Variants in DNMT3B observed in about 807,000 individuals in gnomAD.
DNMT3B encodes the protein DNA (cytosine-5)-methyltransferase 3B.
DNMT3B carries 37 observed loss-of-function variants against 120.2 expected under a neutral mutation model. That is an observed-to-expected ratio of 0.31 (90% CI 0.24 to 0.40). DNMT3B has a LOEUF of 0.40. DNMT3B is among the 10% of genes least tolerant of loss of function. The pLI is 1.00. For missense variants in DNMT3B, 878 were observed against 1,137.3 expected (o/e 0.77, Z 3.28); for synonymous variants, 412 against 442.8 (o/e 0.93, Z 0.87).
chr20:32,801,428 T>G lies in DNMT3B; in HGVS notation c.2145+2T>G, dbSNP rs763822521. ...AGGGACATCTCACGGTTCCTGGAGG[T>G]GAGGGAATCTGGGGACCTGATTGTC... On this transcript the variant is annotated splice_donor_variant, in intron 19 of 22. Transcript: ENST00000328111. LOFTEE classifies it high-confidence loss of function. 1 of 1,613,596 alleles carries G rather than the reference T, an allele frequency of 6.2e-7. No homozygotes were observed. The highest frequency in any genetic ancestry group is 8.5e-7 in the Non-Finnish European group (1 of 1,179,954).
At chr20:32,789,872 G>A (rs866442357) in intron 7 of DNMT3B, among the ~76,000 whole-genome samples, 66 of 152,198 alleles carry the variant, frequency 4.3e-4, no homozygotes, top group Non-Finnish European at 7.5e-4. Context: ...GATTACAGGC[G>A]GGAGCCACCA....
chr20:32,784,914 A>G, intron 4 of DNMT3B, 55 bp downstream of exon 4: 9 of 1,512,058 alleles, frequency 6.0e-6, no homozygotes, highest in Non-Finnish European at 7.4e-6. Flanking sequence ...TACATAGCAT[A>G]CATAGCATGC....
At chr20:32,764,377 G>C (rs1987171402) in intron 1 of DNMT3B, among the ~76,000 whole-genome samples, 1 of 152,212 alleles carries the variant, frequency 6.6e-6, no homozygotes. Context: ...GATAGTGCCT[G>C]TGTAGGGTCA....
chr20:32,791,998 A>G (rs942793894), intron 8 of DNMT3B, among the ~76,000 whole-genome samples: 2 of 152,210 alleles, frequency 1.3e-5, no homozygotes, highest in African/African-American at 2.4e-5. Context: ...CAGAGACCTC[A>G]GAGCCTTCTT....
intron 1 of DNMT3B, among the ~76,000 whole-genome samples, chr20:32,774,176 CTGGGCTTACTTA>C (rs934132869): frequency 4.0e-5 from 6 of 151,742 alleles, no homozygotes; most frequent in Admixed American, 3.3e-4. Context: ...GTGTCCCTCC[CTGGGCTTACTTA>C]CTGCATTGTT....
chr20:32,771,113 C>T (rs565892968), intron 1 of DNMT3B, among the ~76,000 whole-genome samples: 1 of 152,212 alleles, frequency 6.6e-6, no homozygotes, highest in East Asian at 1.9e-4. Context: ...CTTTTCAATA[C>T]ATAGTGTGCA....
chr20:32,796,959 G>T (rs1015987105), intron 13 of DNMT3B, 90 bp downstream of exon 13: 2 of 1,613,842 alleles, frequency 1.2e-6, no homozygotes, highest in East Asian at 4.5e-5. Flanking sequence ...TGGAGACTCA[G>T]TGAAGCCCAC....
rs6119956 is a variant in DNMT3B at position 32,781,852 on chromosome 20, C to A, written c.204+438C>A. Among the ~76,000 whole-genome samples the A allele has an allele frequency of 7.8e-3, 1,193 of 152,282 alleles. 13 individuals are homozygous for A. The highest frequency in any genetic ancestry group is 0.027 in the African/African-American group (1,141 of 41,540). ...GCTTAGGTGCTACCTGCCTGTTAGTCACTTGTAGCCGTCTCCGTGATCAGA... is the reference window on the plus strand; with the variant it reads ...GCTTAGGTGCTACCTGCCTGTTAGTAACTTGTAGCCGTCTCCGTGATCAGA... On this transcript the variant is annotated intron_variant, in intron 3 of 22. Transcript: ENST00000328111.
chr20:32,775,270 GGGGTTGGGGCAGATACCAAAGTGAC>G (rs1402582931), intron 1 of DNMT3B, among the ~76,000 whole-genome samples: 1 of 152,232 alleles, frequency 6.6e-6, no homozygotes, highest in African/African-American at 2.4e-5. Flanking sequence ...CTGCACCCCA[GGGGTTGGGGCAGATACCAAAGTGAC>G]CCCCCTTCCT....
intron 13 of DNMT3B, 35 bp from the exon 14 acceptor site, chr20:32,797,152 C>T: frequency 6.2e-7 from 1 of 1,610,898 alleles, no homozygotes. Flanking sequence ...CTTCTCTGGT[C>T]TCCGATTTCA....
rs753291521 is a variant in DNMT3B, at chr20:32,795,465, G to C, written c.1183G>C (p.Ala395Pro). The C allele has an allele frequency of 6.2e-7, 1 of 1,614,100 alleles. No individual in the cohort carries two copies. The highest frequency in any genetic ancestry group is 1.7e-5 in the Admixed American group (1 of 60,020). Residue 395 changes from alanine to proline, a missense_variant, in exon 11 of 23, where the codon GCA becomes CCA. Ala to Pro is a conservative substitution (Grantham distance 27). Around this residue, in one of 4 missense-constraint regions of DNMT3B, gnomAD observed 207 missense variants for 222.6 expected, o/e 0.93. Transcript: ENST00000328111. ...CTCAGCCACCTCTGACTACTGCCCC[G>C]CACCCAAGCGCCTCAAGACAAATTG... ...DDSATSDYCP[A>P]PKRLKTNCYN...
At position 32,786,588 on chromosome 20, in the gene DNMT3B, C is replaced by G. The variant is rs746628499; in HGVS notation, c.393C>G (p.Asn131Lys). 2 of 1,614,026 alleles carry G rather than the reference C, an allele frequency of 1.2e-6. No individual in the cohort carries two copies. Among genetic ancestry groups the G allele is most frequent in the Non-Finnish European group, 1.7e-6 (2 of 1,180,056 alleles). The change falls in exon 5 of 23, where the codon AAC becomes AAG. Residue 131 changes from asparagine to lysine, a missense_variant. Physicochemically the swap from Asn to Lys is moderately conservative, Grantham distance 94 (BLOSUM62 0). Around this residue, in one of 4 missense-constraint regions of DNMT3B, gnomAD observed 287 missense variants for 306.2 expected, o/e 0.94. Transcript: ENST00000328111. ...PRSTRGRQGR[N>K]HVDESPVEFP... is the part of the protein sequence containing the mutation. Reference sequence around the variant, plus strand: ...CCACCCGAGGCCGGCAGGGCCGCAACCATGTGGACGAGTCCCCCGTGGAGT... The same window carrying G: ...CCACCCGAGGCCGGCAGGGCCGCAAGCATGTGGACGAGTCCCCCGTGGAGT...
rs747007197 is a variant in DNMT3B at position 32,797,024 on chromosome 20, CAG to C, written c.1377+158_1377+159del. 31 of 1,609,890 alleles carry C rather than the reference CAG, an allele frequency of 1.9e-5. No individual in the cohort carries two copies. In the South Asian group the frequency reaches 3.4e-4, roughly 18 times the overall value. On this transcript the variant is annotated intron_variant, in intron 13 of 22. Transcript: ENST00000328111. ...GGGGCAGGATGGGGGACAGCTGTCA[CAG>C]AGGCCAATGGCACGCAGGTCACAGC... is the stretch of plus-strand genomic sequence containing the variant.
intron 7 of DNMT3B, 141 bp downstream of exon 7, chr20:32,789,153 T>A: frequency 7.6e-7 from 1 of 1,313,088 alleles, no homozygotes; most frequent in Non-Finnish European, 1.0e-6. Flanking sequence ...GGACAAAACT[T>A]CCTGTGTTAA....
rs142649471 is a variant in DNMT3B, at chr20:32,783,764, C to T, written c.205-994C>T. On this transcript the variant is annotated intron_variant, in intron 3 of 22. Coordinates refer to ENST00000328111, the MANE Select transcript of DNMT3B (RefSeq NM_006892.4). ...TTTTGAGACAGAGTCTCCAGTCTGTCGCCCAGGCTGGAGTGCAATGGCACG... is the reference window on the plus strand; with the variant it reads ...TTTTGAGACAGAGTCTCCAGTCTGTTGCCCAGGCTGGAGTGCAATGGCACG... 1.2e-4 allele frequency among the ~76,000 whole-genome samples: 19 copies of T among 152,060 alleles called. No homozygotes were observed. In the South Asian group the frequency reaches 1.7e-3, roughly 13 times the overall value.
chr20:32,764,602 G>C (rs547533331), intron 1 of DNMT3B, among the ~76,000 whole-genome samples: 239 of 152,240 alleles, frequency 1.6e-3, no homozygotes, highest in African/African-American at 5.7e-3. Context: ...ACGGAGTCTT[G>C]GTTTTGTTTT....
At chr20:32,795,206 G>A (rs984836475) in intron 10 of DNMT3B, among the ~76,000 whole-genome samples, 10 of 152,180 alleles carry the variant, frequency 6.6e-5, no homozygotes, top group African/African-American at 1.4e-4. Context: ...TTGTAAACAT[G>A]TGTTAAGGAT....
chr20:32,772,047 C>T (rs946432557), intron 1 of DNMT3B, among the ~76,000 whole-genome samples: 2 of 152,160 alleles, frequency 1.3e-5, no homozygotes, highest in African/African-American at 4.8e-5. Context: ...CTTTACATAA[C>T]TTTGTCTAAC....
At position 32,802,485 on chromosome 20, in the gene DNMT3B, T is replaced by G. The variant is rs774161336; in HGVS notation, c.2231+15T>G. On this transcript the variant is annotated intron_variant, in intron 20 of 22. Coordinates refer to ENST00000328111, the MANE Select transcript of DNMT3B (RefSeq NM_006892.4). ...GGGATGAACAGGTAACAAAGGGCTC[T>G]TAGTGGGTCAGGTAACAGCCAAGTT... 3.1e-6 allele frequency: 5 copies of G among 1,613,592 alleles called. No homozygotes were observed. Among genetic ancestry groups the G allele is most frequent in the Admixed American group, 1.7e-5 (1 of 60,028 alleles).
Sources: gnomAD v4.1 joint callset for allele counts (sites outside exome capture counted in the v4.1 genomes callset) on GRCh38, gnomAD v4.1.1 for gene constraint, gnomAD v4.1.1 regional missense constraint, MANE v1.5 for transcripts, NCBI Gene and HGNC (gene_info 2026-07-23, HGNC 2026-07-21) for gene names.